The following DAB1 variants were observed in gnomAD, a reference collection of about 807,000 sequenced individuals.
The protein encoded by DAB1 is DAB adaptor protein 1.
A neutral mutation model predicts 64.6 loss-of-function variants in DAB1; 15 were observed. The observed-to-expected ratio is 0.23, with a 90% CI of 0.16 to 0.36. DAB1 has a LOEUF of 0.36. DAB1 is among the 10% of genes least tolerant of loss of function. The probability of loss-of-function intolerance (pLI) is 1.00; values close to 1 mark genes in which losing one functional copy is unlikely to be tolerated. For missense variants in DAB1, 596 were observed against 706.7 expected (o/e 0.84, Z 1.78); for synonymous variants, 235 against 251.9 (o/e 0.93, Z 0.64).
chr1:57,891,067 G>A (rs973265027), intron 5 of DAB1, among the ~76,000 whole-genome samples: 30 of 152,288 alleles, frequency 2.0e-4, no homozygotes, highest in African/African-American at 6.7e-4. Flanking sequence ...CATCATCAGA[G>A]TGAACAGGCA....
chr1:58,489,136 G>A (rs950882595), intron 3 of DAB1, among the ~76,000 whole-genome samples: 1 of 152,202 alleles, frequency 6.6e-6, no homozygotes, highest in Admixed American at 6.5e-5. Context: ...AGCCGAAGTA[G>A]GGCAAGGCAT....
chr1:57,977,563 A>C (rs1327027077), intron 5 of DAB1, among the ~76,000 whole-genome samples: 1 of 152,204 alleles, frequency 6.6e-6, no homozygotes, highest in Non-Finnish European at 1.5e-5. Context: ...TTTGAACACT[A>C]AGAATAGAAT....
At position 57,174,423 on chromosome 1, in the gene DAB1, C is replaced by T. The variant is rs138567405; in HGVS notation, c.68-28994G>A. Among the ~76,000 whole-genome samples the T allele has an allele frequency of 2.9e-4, 44 of 152,158 alleles. 2 individuals carry two copies. In the East Asian group the frequency reaches 8.3e-3, roughly 29 times the overall value. On this transcript the variant is annotated intron_variant, in intron 2 of 14. Transcript: ENST00000371236. ...AAGAGAACAAAATGATTATAATATG[C>T]CCTTTATTCCCAGCAGGCTCATAAT...
chr1:57,433,875 A>G (rs1685600034), intron 7 of DAB1, among the ~76,000 whole-genome samples: 1 of 151,754 alleles, frequency 6.6e-6, no homozygotes, highest in Non-Finnish European at 1.5e-5. Flanking sequence ...CAAAAAAACT[A>G]TAAGTAGGTA....
At chr1:57,369,472 AAT>A (rs1680321787) in intron 1 of DAB1, among the ~76,000 whole-genome samples, 1 of 152,214 alleles carries the variant, frequency 6.6e-6, no homozygotes, top group South Asian at 2.1e-4. Flanking sequence ...TTCCACCATG[AAT>A]ATAAAAATGG....
At chr1:57,798,526 G>A (rs1401706212) in intron 6 of DAB1, among the ~76,000 whole-genome samples, 2 of 152,214 alleles carry the variant, frequency 1.3e-5, no homozygotes, top group Non-Finnish European at 2.9e-5. Flanking sequence ...GCTGATTCAG[G>A]TTGAATTAGT....
At chr1:58,370,041 C>T (rs1365113466) in intron 3 of DAB1, among the ~76,000 whole-genome samples, 1 of 152,094 alleles carries the variant, frequency 6.6e-6, no homozygotes, top group Admixed American at 6.6e-5. Context: ...TATTCTAGGA[C>T]CCAGTGATGC....
At chr1:57,479,539 T>C (rs887713988) in intron 7 of DAB1, among the ~76,000 whole-genome samples, 7 of 151,968 alleles carry the variant, frequency 4.6e-5, no homozygotes, top group African/African-American at 1.7e-4. Flanking sequence ...TAGTTTAAAA[T>C]AGAAATAACA....
At chr1:58,158,457 G>A (rs80082989) in intron 4 of DAB1, among the ~76,000 whole-genome samples, 1,646 of 152,108 alleles carry the variant, frequency 0.011, 32 homozygotes, top group African/African-American at 0.038. Context: ...TAAAACTCTC[G>A]GTCCACATCC....
At chr1:58,480,969 C>T (rs753880221) in intron 3 of DAB1, 6 of 860,284 alleles carry the variant, frequency 7.0e-6, no homozygotes, top group African/African-American at 4.9e-5. Flanking sequence ...TTTAATTCAA[C>T]TGCCCGTTCT....
At chr1:57,239,050 T>C (rs893876660) in intron 2 of DAB1, among the ~76,000 whole-genome samples, 4 of 152,282 alleles carry the variant, frequency 2.6e-5, no homozygotes, top group Admixed American at 6.5e-5. Context: ...GGAAACTCTG[T>C]CTTTTACAGA....
chr1:58,053,070 A>G (rs1647792150), intron 5 of DAB1, among the ~76,000 whole-genome samples: 2 of 152,196 alleles, frequency 1.3e-5, no homozygotes, highest in South Asian at 4.1e-4. Context: ...TAATAGAGTA[A>G]GAACTTACTC....
At chr1:58,267,563 A>T (rs1055316794) in intron 4 of DAB1, among the ~76,000 whole-genome samples, 2 of 152,150 alleles carry the variant, frequency 1.3e-5, no homozygotes, top group African/African-American at 2.4e-5. Flanking sequence ...CTTGTCTCCT[A>T]CTGTGATAGA....
chr1:58,526,739 G>C (rs1646356112), intron 2 of DAB1, among the ~76,000 whole-genome samples: 1 of 152,012 alleles, frequency 6.6e-6, no homozygotes, highest in Non-Finnish European at 1.5e-5. Context: ...TCTTCAAGTG[G>C]GGGAAAACAA....
chr1:58,358,438 A>C (rs2018765), intron 3 of DAB1, among the ~76,000 whole-genome samples: 27,718 of 152,178 alleles, frequency 0.18, 2,731 homozygotes, highest in South Asian at 0.27. Context: ...ACTGCCACCA[A>C]CATCTAGTTA....
chr1:57,139,255 T>C (rs1658379474), intron 3 of DAB1, among the ~76,000 whole-genome samples: 1 of 152,078 alleles, frequency 6.6e-6, no homozygotes, highest in African/African-American at 2.4e-5. Context: ...ATAAAAAGGC[T>C]TCAGAGAAGG....
intron 5 of DAB1, among the ~76,000 whole-genome samples, chr1:57,950,838 ATTT>A (rs1402746395): frequency 6.6e-6 from 1 of 152,110 alleles, no homozygotes; most frequent in African/African-American, 2.4e-5. Context: ...CACTACTGTT[ATTT>A]GTTTCTCCTG....
chr1:57,038,343 T>C lies in DAB1; in HGVS notation c.724-12300A>G, dbSNP rs187559240. 2.3e-4 allele frequency among the ~76,000 whole-genome samples: 35 copies of C among 152,296 alleles called. No homozygotes were observed. The East Asian group carries it at 6.0e-3, about 26-fold the overall frequency. Reference sequence around the variant, plus strand: ...CGGAGCTAAGTGAAAGCCAGATATTTGTGGAGTTTTTTAGAAGAAAGTTAA... The same window carrying C: ...CGGAGCTAAGTGAAAGCCAGATATTCGTGGAGTTTTTTAGAAGAAAGTTAA... On this transcript the variant is annotated intron_variant, in intron 9 of 14. Transcript: ENST00000371236.
chr1:57,551,473 T>G (rs1362133779), intron 7 of DAB1, among the ~76,000 whole-genome samples: 1 of 152,150 alleles, frequency 6.6e-6, no homozygotes, highest in African/African-American at 2.4e-5. Context: ...TCTTACTGAC[T>G]CAGATTCATT....
Sources: allele counts gnomAD v4.1 joint callset (sites outside exome capture counted in the v4.1 genomes callset), GRCh38; gene constraint gnomAD v4.1.1; transcripts MANE v1.5; gene names NCBI Gene and HGNC (gene_info 2026-07-23, HGNC 2026-07-21).